The following MGAT4C variants were observed in gnomAD, a reference collection of about 807,000 sequenced individuals.
MGAT4C encodes the protein alpha-1,3-mannosyl-glycoprotein 4-beta-N-acetylglucosaminyltransferase C.
In MGAT4C, 19 loss-of-function variants were observed where a neutral mutation model predicts 40.1. The ratio of observed to expected loss-of-function variants is 0.47; its 90% CI spans 0.33 to 0.70. The LOEUF (loss-of-function observed/expected upper bound fraction) is 0.70, where lower values mean the gene tolerates loss of function less well. MGAT4C is among the 30% of genes least tolerant of loss of function. The pLI, the probability that MGAT4C is intolerant of heterozygous loss-of-function variation, is 0.02. For missense variants in MGAT4C, 491 were observed against 563.2 expected, an observed-to-expected ratio of 0.87 and a Z score of 1.30; for synonymous variants, 181 against 187.1, an observed-to-expected ratio of 0.97 and a Z score of 0.27.
At chr12:86,691,835 A>C (rs1950178550) in intron 2 of MGAT4C, among the ~76,000 whole-genome samples, 1 of 152,096 alleles carries the variant, frequency 6.6e-6, no homozygotes, top group African/African-American at 2.4e-5. Context: ...GGAAATCTAG[A>C]TAATAGAGTG....
At chr12:86,357,573 A>C (rs1412033152) in intron 3 of MGAT4C, among the ~76,000 whole-genome samples, 1 of 151,560 alleles carries the variant, frequency 6.6e-6, no homozygotes, top group Non-Finnish European at 1.5e-5. Context: ...AGAAGCTAAA[A>C]ACCTTGAAAA....
At chr12:86,831,832 T>G (rs1444765509) in intron 1 of MGAT4C, among the ~76,000 whole-genome samples, 7 of 151,868 alleles carry the variant, frequency 4.6e-5, no homozygotes, top group Non-Finnish European at 1.5e-5. Flanking sequence ...CTGGAATTAT[T>G]AAGCCTGTTT....
intron 1 of MGAT4C, among the ~76,000 whole-genome samples, chr12:86,750,330 G>T (rs1951215242): frequency 6.6e-6 from 1 of 151,868 alleles, no homozygotes; most frequent in Admixed American, 6.6e-5. Flanking sequence ...ACATGTTCTT[G>T]TTTGTACTGT....
chr12:85,996,170 C>A (rs1176256132), intron 2 of MGAT4C, among the ~76,000 whole-genome samples: 2 of 151,876 alleles, frequency 1.3e-5, no homozygotes, highest in Non-Finnish European at 2.9e-5. Context: ...AAAATCAAGA[C>A]ATAACTGAGA....
chr12:86,814,957 T>C (rs1408584740), intron 1 of MGAT4C, among the ~76,000 whole-genome samples: 1 of 152,072 alleles, frequency 6.6e-6, no homozygotes, highest in African/African-American at 2.4e-5. Context: ...GGTATTTTGT[T>C]ATAGCATCCT....
chr12:86,465,112 ACT>A (rs1473061925), intron 2 of MGAT4C, among the ~76,000 whole-genome samples: 1 of 152,078 alleles, frequency 6.6e-6, no homozygotes, highest in East Asian at 1.9e-4. Context: ...AGTGGCCTGT[ACT>A]CTCTCTCCAC....
At chr12:86,316,906 CA>C (rs1252066416) in intron 4 of MGAT4C, among the ~76,000 whole-genome samples, 1 of 150,948 alleles carries the variant, frequency 6.6e-6, no homozygotes, top group Non-Finnish European at 1.5e-5. Flanking sequence ...AGCCCTAAGC[CA>C]AAAAAGTAAT....
rs114508302 is a variant in MGAT4C at position 85,961,642 on chromosome 12, T to A, written c.*17647A>T. ...ACCCTAAGGAAATTTCCATGTCAGATACAATAAGAGCAACGGAAGAAAATG... is the reference window on the plus strand; with the variant it reads ...ACCCTAAGGAAATTTCCATGTCAGAAACAATAAGAGCAACGGAAGAAAATG... On this transcript the variant is annotated 3_prime_UTR_variant, in exon 5 of 5. Coordinates refer to ENST00000611864, the MANE Select transcript of MGAT4C (RefSeq NM_001351288.2). The A allele has an allele frequency of 3.8e-3, 578 of 151,946 alleles. No homozygotes were observed. Among genetic ancestry groups the A allele is most frequent in the African/African-American group, 0.013 (560 of 41,550 alleles). The allele number at this position is 151,946 out of a possible 1,614,324, so 9.4% of individuals were successfully genotyped here.
chr12:86,501,829 G>C (rs1469860710), intron 2 of MGAT4C, among the ~76,000 whole-genome samples: 1 of 152,038 alleles, frequency 6.6e-6, no homozygotes, highest in Non-Finnish European at 1.5e-5. Context: ...CGTTATAACA[G>C]AATGATTTAT....
rs368717483 is a variant in MGAT4C, at chr12:86,491,504, T to A, written c.-228-56239A>T. On this transcript the variant is annotated intron_variant, in intron 2 of 7. Transcript: ENST00000548651. ...GGCTGGTTCAATATACGCAAATCAA[T>A]AAACGTAATCCAGCATATAAACAGA... 6.2e-4 allele frequency among the ~76,000 whole-genome samples: 95 copies of A among 152,100 alleles called. 1 individual carries two copies. The East Asian group carries it at 0.011, about 17-fold the overall frequency.
chr12:86,701,524 C>T (rs561517700), intron 2 of MGAT4C, among the ~76,000 whole-genome samples: 1 of 152,040 alleles, frequency 6.6e-6, no homozygotes, highest in Non-Finnish European at 1.5e-5. Flanking sequence ...TCTCACTGCT[C>T]CATCAACCAG....
chr12:86,546,944 T>G (rs150322101), intron 2 of MGAT4C, among the ~76,000 whole-genome samples: 3 of 151,974 alleles, frequency 2.0e-5, no homozygotes, highest in African/African-American at 7.2e-5. Context: ...TTTCTAAAAT[T>G]TTGACTTCGA....
chr12:86,295,353 G>A (rs1953637410), intron 4 of MGAT4C, among the ~76,000 whole-genome samples: 1 of 152,168 alleles, frequency 6.6e-6, no homozygotes, highest in Non-Finnish European at 1.5e-5. Flanking sequence ...CTGACTTCAA[G>A]AAAGAAGCCG....
At position 86,424,261 on chromosome 12, in the gene MGAT4C, T is replaced by C. The variant is rs1021269314; in HGVS notation, c.-120+10896A>G. On this transcript the variant is annotated intron_variant, in intron 3 of 7. Coordinates refer to the MGAT4C transcript ENST00000548651. ...ACCTGTAAAAGAAGAATCTTAATAG[T>C]GCTGATTGTAGCTGTTAAAAGGTTT... Among the ~76,000 whole-genome samples, 81 of 152,332 alleles carry C rather than the reference T, an allele frequency of 5.3e-4. 1 individual carries two copies. Among genetic ancestry groups the C allele is most frequent in the Admixed American group, 1.5e-3 (23 of 15,300 alleles).
Position 86,465,731 on chromosome 12 carries a change from A to G in MGAT4C, c.-228-30466T>C, listed in dbSNP as rs1027876077. Among the ~76,000 whole-genome samples the G allele has an allele frequency of 3.3e-5, 5 of 152,262 alleles. No homozygotes were observed. The South Asian group carries it at 6.2e-4, about 19-fold the overall frequency. On this transcript the variant is annotated intron_variant, in intron 2 of 7. Coordinates refer to the MGAT4C transcript ENST00000548651. ...AAAAATTCACAACACTGACAACACT[A>G]AATGCTGGCAAGGATGTGGAGCAAT...
chr12:86,831,624 G>A lies in MGAT4C; in HGVS notation c.-262+7042C>T, dbSNP rs147941609. Among the ~76,000 whole-genome samples the A allele has an allele frequency of 3.0e-4, 46 of 151,858 alleles. No individual in the cohort carries two copies. The East Asian group carries it at 3.5e-3, about 12-fold the overall frequency. On this transcript the variant is annotated intron_variant, in intron 1 of 7. Transcript: ENST00000548651. ...ATAATTTCAATGCAATGTAATGTACGTAGTTATCCAGGTGTCCAAATAAAA... is the reference window on the plus strand; with the variant it reads ...ATAATTTCAATGCAATGTAATGTACATAGTTATCCAGGTGTCCAAATAAAA...
intron 2 of MGAT4C, among the ~76,000 whole-genome samples, chr12:86,688,901 G>A (rs1004205429): frequency 6.6e-6 from 1 of 152,152 alleles, no homozygotes; most frequent in Admixed American, 6.5e-5. Context: ...TGCCTTGCTA[G>A]GTTGGGGAAG....
chr12:86,765,639 A>G (rs1439250114), intron 1 of MGAT4C, among the ~76,000 whole-genome samples: 6 of 152,220 alleles, frequency 3.9e-5, no homozygotes, highest in African/African-American at 1.4e-4. Context: ...ACCCACAAAG[A>G]GAAGCCCATC....
At position 86,502,389 on chromosome 12, in the gene MGAT4C, G is replaced by C. The variant is rs1305633963; in HGVS notation, c.-228-67124C>G. On this transcript the variant is annotated intron_variant, in intron 2 of 7. Transcript: ENST00000548651. Reference sequence around the variant, plus strand: ...TAGGTAGAACCCAGGGGATCTTTAGGGCACTGAAACTATTCTGTATGTTGC... The same window carrying C: ...TAGGTAGAACCCAGGGGATCTTTAGCGCACTGAAACTATTCTGTATGTTGC... 2.6e-5 allele frequency among the ~76,000 whole-genome samples: 4 copies of C among 151,778 alleles called. No individual in the cohort carries two copies. The East Asian group carries it at 7.8e-4, about 30-fold the overall frequency.
Sources: gnomAD v4.1 joint callset for allele counts (sites outside exome capture counted in the v4.1 genomes callset) on GRCh38, gnomAD v4.1.1 for gene constraint, MANE v1.5 for transcripts, NCBI Gene and HGNC (gene_info 2026-07-23, HGNC 2026-07-21) for gene names.